PLCB1: variants seen among roughly 807,000 people sequenced by gnomAD.
PLCB1 encodes the protein phospholipase C beta 1, also known as 1-phosphatidylinositol 4,5-bisphosphate phosphodiesterase beta-1.
PLCB1 carries 46 observed loss-of-function variants against 161.8 expected under a neutral mutation model. The ratio of observed to expected loss-of-function variants is 0.28; its 90% CI spans 0.22 to 0.36. The LOEUF (loss-of-function observed/expected upper bound fraction) is 0.36. Ranked by LOEUF, PLCB1 falls within the 10% of genes least tolerant of loss-of-function variation. The pLI is 1.00. For missense variants in PLCB1, 1,016 were observed against 1,472.5 expected, an observed-to-expected ratio of 0.69 and a Z score of 5.07; for synonymous variants, 517 against 503.7, an observed-to-expected ratio of 1.03 and a Z score of -0.35.
intron 18 of PLCB1, among the ~76,000 whole-genome samples, chr20:8,731,928 T>C (rs1980271321): frequency 6.6e-6 from 1 of 152,050 alleles, no homozygotes; most frequent in South Asian, 2.1e-4. Flanking sequence ...AATGATTTGT[T>C]AAATGAAACT....
intron 13 of PLCB1, among the ~76,000 whole-genome samples, 182 bp downstream of exon 13, chr20:8,716,530 C>T (rs1600271873): frequency 1.3e-5 from 2 of 152,282 alleles, no homozygotes; most frequent in East Asian, 3.9e-4. Context: ...AATGCCTCTG[C>T]ACTCTTCCTC....
At chr20:8,770,145 G>A (rs1156978482) in intron 26 of PLCB1, among the ~76,000 whole-genome samples, 8 of 152,026 alleles carry the variant, frequency 5.3e-5, no homozygotes, top group African/African-American at 1.9e-4. Flanking sequence ...GTAGAGACGG[G>A]GTTTCACTGT....
At chr20:8,171,922 G>C (rs1189904225) in intron 2 of PLCB1, among the ~76,000 whole-genome samples, 2 of 152,142 alleles carry the variant, frequency 1.3e-5, no homozygotes, top group African/African-American at 4.8e-5. Flanking sequence ...AGGTTGGTGG[G>C]AGTAAACTGC....
intron 31 of PLCB1, among the ~76,000 whole-genome samples, chr20:8,810,206 T>C (rs972311383): frequency 2.6e-5 from 4 of 152,166 alleles, no homozygotes; most frequent in Non-Finnish European, 4.4e-5. Flanking sequence ...CATTCGACCT[T>C]TTATTAAAAC....
intron 3 of PLCB1, among the ~76,000 whole-genome samples, chr20:8,602,933 A>T (rs1987635589): frequency 6.6e-6 from 1 of 152,208 alleles, no homozygotes. Context: ...CTCTGGTAGA[A>T]GCCCAGCATT....
chr20:8,756,451 G>A (rs1242530596), intron 23 of PLCB1, among the ~76,000 whole-genome samples: 1 of 152,120 alleles, frequency 6.6e-6, no homozygotes, highest in East Asian at 1.9e-4. Flanking sequence ...CCCCAAACTT[G>A]GCAGCTTATA....
chr20:8,511,679 C>T (rs1870641346), intron 3 of PLCB1, among the ~76,000 whole-genome samples: 1 of 152,074 alleles, frequency 6.6e-6, no homozygotes. Context: ...TTCTCGCCAA[C>T]GTTCGTTATC....
At chr20:8,439,171 A>G (rs16994779) in intron 3 of PLCB1, among the ~76,000 whole-genome samples, 22,786 of 152,136 alleles carry the variant, frequency 0.15, 2,123 homozygotes, top group African/African-American at 0.26. Context: ...TTAACAGTCG[A>G]TGGAGTGCAA....
intron 4 of PLCB1, among the ~76,000 whole-genome samples, chr20:8,644,136 G>A (rs1038322125): frequency 2.2e-4 from 33 of 152,098 alleles, no homozygotes; most frequent in Non-Finnish European, 3.7e-4. Flanking sequence ...GCGTGATCTC[G>A]GCTCGCTACA....
chr20:8,493,395 A>G (rs1055049435), intron 3 of PLCB1, among the ~76,000 whole-genome samples: 2 of 152,174 alleles, frequency 1.3e-5, no homozygotes, highest in Non-Finnish European at 2.9e-5. Flanking sequence ...TAACAAATTT[A>G]ATTTTCATGA....
At chr20:8,482,781 A>C (rs1206744895) in intron 3 of PLCB1, among the ~76,000 whole-genome samples, 1 of 152,234 alleles carries the variant, frequency 6.6e-6, no homozygotes, top group Non-Finnish European at 1.5e-5. Flanking sequence ...GACTGTGTGT[A>C]ATAAAGTAGA....
intron 3 of PLCB1, among the ~76,000 whole-genome samples, chr20:8,536,870 G>A (rs1427706328): frequency 6.6e-6 from 1 of 152,196 alleles, no homozygotes; most frequent in African/African-American, 2.4e-5. Flanking sequence ...CAAAGGAAGG[G>A]CTTGATGGAA....
intron 2 of PLCB1, among the ~76,000 whole-genome samples, chr20:8,159,650 T>A (rs1306419406): frequency 6.6e-6 from 1 of 152,150 alleles, no homozygotes; most frequent in Non-Finnish European, 1.5e-5. Context: ...TGAATATCTT[T>A]AACGGTACCC....
intron 1 of PLCB1, among the ~76,000 whole-genome samples, chr20:8,146,096 G>GT (rs937343961): frequency 7.9e-5 from 8 of 101,324 alleles, no homozygotes; most frequent in East Asian, 6.9e-4. Flanking sequence ...TACTGTTTTT[G>GT]TTTTTTTTGT....
chr20:8,416,437 T>C (rs1979274597), intron 3 of PLCB1, among the ~76,000 whole-genome samples: 1 of 152,162 alleles, frequency 6.6e-6, no homozygotes, highest in South Asian at 2.1e-4. Context: ...AAAACAAAAT[T>C]CTGAAGGCTG....
chr20:8,716,109 T>G, intron 12 of PLCB1, 155 bp from the exon 13 acceptor site: 1 of 626,128 alleles, frequency 1.6e-6, no homozygotes, highest in East Asian at 2.8e-5. Flanking sequence ...CAAATTCACA[T>G]AAGTTAAGAT....
intron 2 of PLCB1, among the ~76,000 whole-genome samples, chr20:8,168,926 C>T (rs544659136): frequency 2.6e-5 from 4 of 152,086 alleles, no homozygotes; most frequent in Non-Finnish European, 5.9e-5. Context: ...TTCTCCTAGC[C>T]GGGGCCCACA....
intron 1 of PLCB1, chr20:8,141,752 T>C (rs2051406200): frequency 6.6e-6 from 1 of 152,464 alleles, no homozygotes; most frequent in Non-Finnish European, 1.5e-5. Context: ...TAAAGGTCTT[T>C]TTTTCATTGT....
chr20:8,364,944 T>C (rs1986660911), intron 2 of PLCB1, among the ~76,000 whole-genome samples: 1 of 152,216 alleles, frequency 6.6e-6, no homozygotes, highest in South Asian at 2.1e-4. Flanking sequence ...GATCTTTTTC[T>C]TTTTCTTTGT....
Sources: gnomAD v4.1 joint callset for allele counts (sites outside exome capture counted in the v4.1 genomes callset) on GRCh38, gnomAD v4.1.1 for gene constraint, MANE v1.5 for transcripts, NCBI Gene and HGNC (gene_info 2026-07-23, HGNC 2026-07-21) for gene names.